The following BLCAP variants were observed in gnomAD, a reference collection of about 807,000 sequenced individuals.
BLCAP encodes the protein BLCAP apoptosis inducing factor, also known as apoptosis inducing factor BLCAP.
Under a neutral mutation model 5.7 loss-of-function variants are expected in BLCAP, and 1 was observed. That is an observed-to-expected ratio of 0.18 (90% CI 0.06 to 0.83). The LOEUF is 0.83. Ranked by LOEUF, BLCAP falls within the 40% of genes least tolerant of loss-of-function variation. BLCAP has a pLI of 0.71. For synonymous variants in BLCAP, 48 were observed against 49.4 expected (o/e 0.97, Z 0.11); for missense variants, 66 against 107.6 (o/e 0.61, Z 1.71).
At position 37,521,659 on chromosome 20, in the gene BLCAP, C is replaced by T. The variant is rs2071580114; in HGVS notation, c.-176-2309G>A. On this transcript the variant is annotated intron_variant, in intron 1 of 1. Transcript: ENST00000373537. This position sits in a 1 kb window ranked among gnomAD's most constrained non-coding sequence, Gnocchi z 4.5. Reference sequence around the variant, plus strand: ...GGGCGCGGCGGGCGACCGCTGCGGACGATCACCCAGGCATTTAGCGACCTA... The same window carrying T: ...GGGCGCGGCGGGCGACCGCTGCGGATGATCACCCAGGCATTTAGCGACCTA... The T allele has an allele frequency of 2.0e-6, 1 of 503,764 alleles. No homozygotes were observed. Among genetic ancestry groups the T allele is most frequent in the East Asian group, 3.6e-5 (1 of 28,112 alleles). The allele number at this position is 503,764 out of a possible 1,614,324, so 31.2% of individuals were successfully genotyped here.
At chr20:37,522,780 G>A (rs2071633461) in intron 1 of BLCAP, 3 of 1,573,160 alleles carry the variant, frequency 1.9e-6, no homozygotes, top group Non-Finnish European at 2.6e-6. Context: ...CCCAGCCCTG[G>A]GCGGCCGTAT....
chr20:37,522,530 T>TGCGCCC, intron 1 of BLCAP: 1 of 1,169,766 alleles, frequency 8.5e-7, no homozygotes. Flanking sequence ...GTGGACAAGC[T>TGCGCCC]GCGCCCGCGC....
rs1181738196 is a variant in BLCAP, at chr20:37,519,207, G to A, written c.-33C>T. On this transcript the variant is annotated 5_prime_UTR_variant, in exon 2 of 2. Coordinates refer to ENST00000373537, the MANE Select transcript of BLCAP (RefSeq NM_006698.4). ...GCCGGGCAGGGCCTTCACCAAGGCT[G>A]CCGGGCACCGCTGCAGGAACCGACC... 10 of 1,545,686 alleles carry A rather than the reference G, an allele frequency of 6.5e-6. No homozygotes were observed. The highest frequency in any genetic ancestry group is 8.7e-6 in the Non-Finnish European group (10 of 1,143,630).
At chr20:37,527,419 C>G (rs913286892) in intron 1 of BLCAP, among the ~76,000 whole-genome samples, 8 of 145,500 alleles carry the variant, frequency 5.5e-5, no homozygotes, top group Non-Finnish European at 1.2e-4. Flanking sequence ...GAATGACAGG[C>G]CTCTCACAAG....
At position 37,518,335 on chromosome 20, in the gene BLCAP, A is replaced by T. The variant is rs548025520; in HGVS notation, c.*576T>A. Reference sequence around the variant, plus strand: ...TAACAGTCAAGACATGTTTCTGTCTAGCCTGCTGAACAAGGAAAGAAGGAT... The same window carrying T: ...TAACAGTCAAGACATGTTTCTGTCTTGCCTGCTGAACAAGGAAAGAAGGAT... On this transcript the variant is annotated 3_prime_UTR_variant, in exon 2 of 2. Transcript: ENST00000373537. 1.3e-5 allele frequency: 2 copies of T among 152,770 alleles called. No homozygotes were observed. The highest frequency in any genetic ancestry group is 2.9e-5 in the Non-Finnish European group (2 of 68,184). The allele number at this position is 152,770 out of a possible 1,614,324, so 9.5% of individuals were successfully genotyped here. A position where few individuals can be genotyped will look rare whatever the true frequency, so the allele number is the denominator to read the frequency against.
chr20:37,527,341 A>G, intron 1 of BLCAP, among the ~76,000 whole-genome samples: 1 of 80,566 alleles, frequency 1.2e-5, no homozygotes, highest in African/African-American at 4.7e-5. Flanking sequence ...CTCTCCCCTC[A>G]CCCCCACGTC....
intron 1 of BLCAP, among the ~76,000 whole-genome samples, chr20:37,520,060 G>T (rs1183441690): frequency 6.6e-6 from 1 of 152,232 alleles, no homozygotes; most frequent in East Asian, 1.9e-4. Context: ...GAACTCGTTT[G>T]GATCATTACA....
chr20:37,527,412 T>C (rs528309534), intron 1 of BLCAP, among the ~76,000 whole-genome samples: 2 of 121,728 alleles, frequency 1.6e-5, no homozygotes, highest in African/African-American at 6.3e-5. Flanking sequence ...GGGGACAGAA[T>C]GACAGGCCTC....
chr20:37,522,479 A>G, intron 1 of BLCAP: 1 of 1,575,620 alleles, frequency 6.3e-7, no homozygotes, highest in Non-Finnish European at 8.7e-7. Context: ...GCCGCCATGC[A>G]GCTCTCAGCA....
At chr20:37,523,023 C>T (rs1165820533) in intron 1 of BLCAP, 6 of 437,726 alleles carry the variant, frequency 1.4e-5, no homozygotes, top group Non-Finnish European at 2.4e-5. Context: ...GGGGAGCAGA[C>T]CCCTGAGATC....
At position 37,521,567 on chromosome 20, in the gene BLCAP, C is replaced by T. The variant is rs2071575646; in HGVS notation, c.-176-2217G>A. 3 of 697,112 alleles carry T rather than the reference C, an allele frequency of 4.3e-6. No homozygotes were observed. The highest frequency in any genetic ancestry group is 3.5e-5 in the African/African-American group (2 of 56,598). The allele number at this position is 697,112 out of a possible 1,614,324, so 43.2% of individuals were successfully genotyped here. On this transcript the variant is annotated intron_variant, in intron 1 of 1. Transcript: ENST00000373537. This position sits in a 1 kb window ranked among gnomAD's most constrained non-coding sequence, Gnocchi z 4.5. ...CGGCACCGCGCGCCCCCTGCCCATTCCCTGCGCCGTCCTCCTCGCGCTGAC... is the reference window on the plus strand; with the variant it reads ...CGGCACCGCGCGCCCCCTGCCCATTTCCTGCGCCGTCCTCCTCGCGCTGAC...
chr20:37,523,836 C>T (rs1294182998), intron 1 of BLCAP: 1 of 152,160 alleles, frequency 6.6e-6, no homozygotes, highest in African/African-American at 2.4e-5. Flanking sequence ...CCTCACACAC[C>T]CAACCCCATC....
intron 1 of BLCAP, among the ~76,000 whole-genome samples, chr20:37,524,007 T>C (rs965492316): frequency 2.0e-5 from 3 of 152,114 alleles, no homozygotes; most frequent in Admixed American, 6.5e-5. Flanking sequence ...AAGTATCACT[T>C]TGGGAAAGAT....
chr20:37,523,084 C>T (rs966994629), intron 1 of BLCAP: 7 of 281,512 alleles, frequency 2.5e-5, no homozygotes, highest in Non-Finnish European at 4.0e-5. Flanking sequence ...CAGCACCATC[C>T]CAGCCCCGAA....
chr20:37,522,778 T>C (rs771409546), intron 1 of BLCAP: 168 of 1,573,614 alleles, frequency 1.1e-4, no homozygotes, highest in Non-Finnish European at 1.3e-4. Context: ...CTCCCAGCCC[T>C]GGGCGGCCGT....
chr20:37,527,223 G>A (rs1199850415), intron 1 of BLCAP, among the ~76,000 whole-genome samples: 2 of 152,104 alleles, frequency 1.3e-5, no homozygotes, highest in African/African-American at 4.8e-5. Flanking sequence ...GAAAGGGAAG[G>A]GATGTCCACC....
chr20:37,518,922 C>T lies in BLCAP; in HGVS notation c.253G>A (p.Val85Met), dbSNP rs746130829. The change falls in exon 2 of 2, where the codon GTG becomes ATG. Residue 85 changes from valine to methionine, a missense_variant. Val to Met is a conservative substitution (Grantham distance 21). Coordinates refer to ENST00000373537, the MANE Select transcript of BLCAP (RefSeq NM_006698.4). ...AACAGGGCAGGCCGTTAGGTGCCCACAACGCCGGGATCATGCGCCGATTCT... is the reference window on the plus strand; with the variant it reads ...AACAGGGCAGGCCGTTAGGTGCCCATAACGCCGGGATCATGCGCCGATTCT... ...LPESAHDPGVVGT is the reference protein window; with the variant it reads ...LPESAHDPGVMGT The T allele has an allele frequency of 1.9e-6, 3 of 1,614,060 alleles. No individual in the cohort carries two copies. The East Asian group carries it at 6.7e-5, about 36-fold the overall frequency.
At position 37,521,074 on chromosome 20, in the gene BLCAP, T is replaced by C; in HGVS notation, c.-176-1724A>G. On this transcript the variant is annotated intron_variant, in intron 1 of 1. Coordinates refer to ENST00000373537, the MANE Select transcript of BLCAP (RefSeq NM_006698.4). This position sits in a 1 kb window ranked among gnomAD's most constrained non-coding sequence, Gnocchi z 4.5. ...ACGGCGGAATCTTCTGGAAGGGGGC[T>C]AAGATGGAACTCAGGAGGCGGGGGT... The C allele has an allele frequency of 1.8e-6, 1 of 547,798 alleles. No individual in the cohort carries two copies. Among genetic ancestry groups the C allele is most frequent in the Non-Finnish European group, 3.3e-6 (1 of 303,556 alleles). The allele number at this position is 547,798 out of a possible 1,614,324, so 33.9% of individuals were successfully genotyped here.
At position 37,518,824 on chromosome 20, in the gene BLCAP, G is replaced by A. The variant is rs2071461702; in HGVS notation, c.*87C>T. ...AGGAATGTGACACCCGCGAGGCTGCGGGATTTGAAACTCCAATGCTTTATG... is the reference window on the plus strand; with the variant it reads ...AGGAATGTGACACCCGCGAGGCTGCAGGATTTGAAACTCCAATGCTTTATG... On this transcript the variant is annotated 3_prime_UTR_variant, in exon 2 of 2. Transcript: ENST00000373537. The A allele has an allele frequency of 3.3e-6, 5 of 1,526,796 alleles. No individual in the cohort carries two copies. Among genetic ancestry groups the A allele is most frequent in the Admixed American group, 4.0e-5 (2 of 49,670 alleles). The allele number at this position is 1,526,796 out of a possible 1,614,324, so 94.6% of individuals were successfully genotyped here.
Sources: gnomAD v4.1 joint callset for allele counts (sites outside exome capture counted in the v4.1 genomes callset) on GRCh38, gnomAD v4.1.1 for gene constraint, Gnocchi (gnomAD v3.1) non-coding constraint, MANE v1.5 for transcripts, NCBI Gene and HGNC (gene_info 2026-07-23, HGNC 2026-07-21) for gene names.